Variants in DLG2 observed in about 807,000 individuals in gnomAD.
The protein encoded by DLG2 is discs large MAGUK scaffold protein 2.
Under a neutral mutation model 132.5 loss-of-function variants are expected in DLG2, and 45 were observed. That is an observed-to-expected ratio of 0.34 (90% CI 0.27 to 0.44). DLG2 has a LOEUF of 0.44. Among genes scored for constraint, DLG2 ranks in the 20% least tolerant of loss-of-function variants. DLG2 has a pLI of 1.00. For missense variants in DLG2, 1,045 were observed against 1,196.9 expected (o/e 0.87, Z 1.87); for synonymous variants, 424 against 419.6 (o/e 1.01, Z -0.13).
intron 6 of DLG2, among the ~76,000 whole-genome samples, chr11:84,596,043 G>T (rs1228554797): frequency 6.6e-6 from 1 of 151,994 alleles, no homozygotes; most frequent in East Asian, 1.9e-4. Context: ...TCACATAGGA[G>T]AAAAAATATT....
intron 6 of DLG2, among the ~76,000 whole-genome samples, chr11:84,582,133 T>C (rs1459956403): frequency 6.6e-6 from 1 of 151,770 alleles, no homozygotes; most frequent in African/African-American, 2.4e-5. Context: ...ACTATAGCTT[T>C]CAATTCTATC....
intron 3 of DLG2, among the ~76,000 whole-genome samples, chr11:85,346,526 A>G (rs1372700272): frequency 1.3e-5 from 2 of 152,082 alleles, no homozygotes. Context: ...AACCGATATT[A>G]TTGTCTTTAA....
chr11:85,084,075 T>C (rs1043616997), intron 6 of DLG2, among the ~76,000 whole-genome samples: 1 of 152,066 alleles, frequency 6.6e-6, no homozygotes, highest in South Asian at 2.1e-4. Flanking sequence ...TGGATTTTGC[T>C]CTAAAAAGGA....
At chr11:84,726,526 G>C (rs558935337) in intron 6 of DLG2, among the ~76,000 whole-genome samples, 2 of 152,226 alleles carry the variant, frequency 1.3e-5, no homozygotes, top group Admixed American at 6.5e-5. Flanking sequence ...ATGGACATTT[G>C]GGTTGGTTCC....
intron 3 of DLG2, among the ~76,000 whole-genome samples, chr11:85,507,232 T>C (rs2093956588): frequency 6.6e-6 from 1 of 152,218 alleles, no homozygotes; most frequent in African/African-American, 2.4e-5. Flanking sequence ...TAACGTTATG[T>C]GTGAATTTGA....
In DLG2 at chr11:84,526,824, G is replaced by T. The variant is rs528611473; in HGVS notation, c.519+7746C>A. Among the ~76,000 whole-genome samples the T allele has an allele frequency of 4.7e-4, 68 of 145,954 alleles. No homozygotes were observed. In the East Asian group the frequency reaches 0.011, roughly 24 times the overall value. On this transcript the variant is annotated intron_variant, in intron 7 of 27. Coordinates refer to ENST00000376104, the MANE Select transcript of DLG2 (RefSeq NM_001142699.3). ...GACGGAGTCTTGCTCTGTCGCCCAGGCTGGAGTGCAGTGGCGCAATCTCGG... is the reference window on the plus strand; with the variant it reads ...GACGGAGTCTTGCTCTGTCGCCCAGTCTGGAGTGCAGTGGCGCAATCTCGG...
At position 84,409,147 on chromosome 11, in the gene DLG2, T is replaced by C. The variant is rs1601617352; in HGVS notation, c.519+125423A>G. 2.0e-5 allele frequency among the ~76,000 whole-genome samples: 3 copies of C among 152,334 alleles called. No individual in the cohort carries two copies. In the South Asian group the frequency reaches 6.2e-4, roughly 32 times the overall value. ...ACTTCCCCCCAAGAAAGCGCTCCTC[T>C]TTTATATCACCATGATTCTGCTCTG... On this transcript the variant is annotated intron_variant, in intron 7 of 27. Transcript: ENST00000376104.
At chr11:85,528,907 C>T (rs911779156) in intron 3 of DLG2, among the ~76,000 whole-genome samples, 2 of 152,068 alleles carry the variant, frequency 1.3e-5, no homozygotes, top group Non-Finnish European at 2.9e-5. Flanking sequence ...CAGAGGTGTG[C>T]CTATACAACA....
chr11:85,462,760 C>T (rs1317086840), intron 3 of DLG2, among the ~76,000 whole-genome samples: 17 of 151,504 alleles, frequency 1.1e-4, no homozygotes, highest in African/African-American at 3.4e-4. Flanking sequence ...ATGTAACAAA[C>T]GTGCACGTTT....
chr11:84,524,121 C>T (rs906171930), intron 7 of DLG2, among the ~76,000 whole-genome samples: 1 of 152,078 alleles, frequency 6.6e-6, no homozygotes, highest in Non-Finnish European at 1.5e-5. Flanking sequence ...AAAAAAACTG[C>T]AAAAAATATC....
intron 20 of DLG2, among the ~76,000 whole-genome samples, chr11:83,535,347 C>G (rs1472012574): frequency 6.6e-6 from 1 of 152,090 alleles, no homozygotes; most frequent in Non-Finnish European, 1.5e-5. Flanking sequence ...TGCATAAACC[C>G]ACAGAACTCA....
intron 7 of DLG2, among the ~76,000 whole-genome samples, chr11:84,429,419 C>G (rs1196102793): frequency 1.1e-4 from 17 of 152,266 alleles, no homozygotes; most frequent in South Asian, 6.2e-4. Flanking sequence ...CCAGTTAACA[C>G]CCAGGCCTAC....
chr11:84,382,909 C>T (rs2098753909), intron 7 of DLG2, among the ~76,000 whole-genome samples: 1 of 151,724 alleles, frequency 6.6e-6, no homozygotes, highest in Non-Finnish European at 1.5e-5. Flanking sequence ...TGCTACTCTA[C>T]TGCTTGAATT....
At chr11:85,290,692 G>T (rs927521101) in intron 3 of DLG2, among the ~76,000 whole-genome samples, 29 of 152,032 alleles carry the variant, frequency 1.9e-4, no homozygotes, top group Non-Finnish European at 4.0e-4. Flanking sequence ...TTAGTTGAAA[G>T]AAGCTGTATG....
chr11:84,672,505 A>T (rs960060503), intron 6 of DLG2, among the ~76,000 whole-genome samples: 6 of 152,188 alleles, frequency 3.9e-5, no homozygotes, highest in African/African-American at 1.2e-4. Flanking sequence ...CCTTACAATA[A>T]GTTTAAGTCT....
chr11:85,374,268 A>G (rs1159605842), intron 3 of DLG2, among the ~76,000 whole-genome samples: 1 of 152,204 alleles, frequency 6.6e-6, no homozygotes, highest in Non-Finnish European at 1.5e-5. Flanking sequence ...ACTGGGAGAA[A>G]AAAAACAGAG....
chr11:84,736,136 T>C (rs1049423397), intron 6 of DLG2, among the ~76,000 whole-genome samples: 4 of 152,018 alleles, frequency 2.6e-5, no homozygotes, highest in Non-Finnish European at 5.9e-5. Context: ...TGTTTCTGTA[T>C]TATTTGTTGA....
At chr11:84,806,575 A>G (rs1049994120) in intron 6 of DLG2, among the ~76,000 whole-genome samples, 2 of 152,208 alleles carry the variant, frequency 1.3e-5, no homozygotes, top group African/African-American at 2.4e-5. Context: ...CAAGAATACT[A>G]TACTCAGTGA....
chr11:85,218,829 T>C (rs770334722), intron 4 of DLG2, among the ~76,000 whole-genome samples: 7 of 152,096 alleles, frequency 4.6e-5, no homozygotes, highest in Non-Finnish European at 8.8e-5. Flanking sequence ...TGCCCATCCA[T>C]GGGAGATTAG....
Sources: allele counts gnomAD v4.1 joint callset (sites outside exome capture counted in the v4.1 genomes callset), GRCh38; gene constraint gnomAD v4.1.1; transcripts MANE v1.5; gene names NCBI Gene and HGNC (gene_info 2026-07-23, HGNC 2026-07-21).